FHOD3: variants seen among roughly 807,000 people sequenced by gnomAD.
FHOD3 encodes the protein FH1/FH2 domain-containing protein 3.
A neutral mutation model predicts 173.0 loss-of-function variants in FHOD3; 90 were observed. That is an observed-to-expected ratio of 0.52 (90% CI 0.44 to 0.62). The LOEUF (loss-of-function observed/expected upper bound fraction) is 0.62. Ranked by LOEUF, FHOD3 falls within the 20% of genes least tolerant of loss-of-function variation. FHOD3 has a pLI of 0.00. For missense variants in FHOD3, 1,945 were observed against 2,034.7 expected, an observed-to-expected ratio of 0.96 and a Z score of 0.85; for synonymous variants, 828 against 823.0, an observed-to-expected ratio of 1.01 and a Z score of -0.10.
intron 10 of FHOD3, among the ~76,000 whole-genome samples, chr18:36,628,299 G>GGCTCTTAATA (rs1363322661): frequency 6.6e-6 from 1 of 152,106 alleles, no homozygotes; most frequent in Non-Finnish European, 1.5e-5. Context: ...CTGGGCCCTT[G>GGCTCTTAATA]GCTCTTAATA....
chr18:36,715,721 T>C (rs2040412685), intron 18 of FHOD3, among the ~76,000 whole-genome samples: 1 of 152,180 alleles, frequency 6.6e-6, no homozygotes, highest in African/African-American at 2.4e-5. Flanking sequence ...ACAGATTTGA[T>C]AGTCATAAGA....
At chr18:36,620,904 T>A (rs1488050789) in intron 9 of FHOD3, among the ~76,000 whole-genome samples, 1 of 152,188 alleles carries the variant, frequency 6.6e-6, no homozygotes, top group African/African-American at 2.4e-5. Context: ...AGAACCAATT[T>A]TTTTTTTCAC....
At chr18:36,557,300 G>C (rs1006597379) in intron 5 of FHOD3, among the ~76,000 whole-genome samples, 166 of 151,972 alleles carry the variant, frequency 1.1e-3, no homozygotes, top group African/African-American at 3.8e-3. Context: ...TATGTGCTAC[G>C]TTTACCGATG....
rs191333472 is a variant in FHOD3, at chr18:36,429,323, G to A, written c.337+56579G>A. ...GCCAGTCTTAAATTCATAAACTTCA[G>A]TAGGAAAAGAGAAGTGAAGAACTAA... On this transcript the variant is annotated intron_variant, in intron 3 of 28. Transcript: ENST00000590592. Among the ~76,000 whole-genome samples, 3 of 152,276 alleles carry A rather than the reference G, an allele frequency of 2.0e-5. No homozygotes were observed. The East Asian group carries it at 5.8e-4, about 29-fold the overall frequency.
intron 16 of FHOD3, among the ~76,000 whole-genome samples, chr18:36,692,097 G>A (rs2038998379): frequency 6.6e-6 from 1 of 152,234 alleles, no homozygotes; most frequent in African/African-American, 2.4e-5. Flanking sequence ...AGGGTGGACT[G>A]CCTTTGGGCT....
At chr18:36,350,731 A>C (rs2046084061) in intron 1 of FHOD3, among the ~76,000 whole-genome samples, 1 of 152,182 alleles carries the variant, frequency 6.6e-6, no homozygotes, top group Non-Finnish European at 1.5e-5. Flanking sequence ...TTCGCTCTGT[A>C]GGGAAAGTTT....
intron 5 of FHOD3, among the ~76,000 whole-genome samples, chr18:36,517,835 G>A (rs774346616): frequency 1.3e-5 from 2 of 152,076 alleles, no homozygotes; most frequent in South Asian, 4.1e-4. Flanking sequence ...CAGATTTCAG[G>A]CTTCTTTGGA....
At chr18:36,305,784 G>T (rs2092078535) in intron 1 of FHOD3, among the ~76,000 whole-genome samples, 1 of 152,196 alleles carries the variant, frequency 6.6e-6, no homozygotes, top group African/African-American at 2.4e-5. Flanking sequence ...GGTCCCTCTG[G>T]CTAAACCAGA....
At chr18:36,650,320 C>T (rs2035964291) in intron 11 of FHOD3, among the ~76,000 whole-genome samples, 1 of 152,040 alleles carries the variant, frequency 6.6e-6, no homozygotes, top group East Asian at 1.9e-4. Flanking sequence ...CCTCATCTGC[C>T]AGGCTAGCAG....
intron 2 of FHOD3, among the ~76,000 whole-genome samples, chr18:36,368,898 C>T (rs1237756713): frequency 6.6e-6 from 1 of 152,106 alleles, no homozygotes; most frequent in Admixed American, 6.5e-5. Flanking sequence ...TCCAATCACC[C>T]CCCACCAGGT....
At chr18:36,648,482 C>G (rs576686755) in intron 10 of FHOD3, among the ~76,000 whole-genome samples, 1 of 152,260 alleles carries the variant, frequency 6.6e-6, no homozygotes, top group East Asian at 1.9e-4. Context: ...CCAATTGAAA[C>G]CACCCTAAGC....
At chr18:36,469,197 G>A (rs1224240313) in intron 3 of FHOD3, among the ~76,000 whole-genome samples, 1 of 152,034 alleles carries the variant, frequency 6.6e-6, no homozygotes. Flanking sequence ...CTATCACCAG[G>A]TATAGAGCTA....
intron 2 of FHOD3, among the ~76,000 whole-genome samples, chr18:36,371,835 G>A (rs1053813339): frequency 3.3e-5 from 5 of 151,424 alleles, no homozygotes; most frequent in East Asian, 1.9e-4. Context: ...AGGGAATCCC[G>A]CTTCCAAGAG....
At chr18:36,594,684 G>A (rs945658473) in intron 6 of FHOD3, 103 bp from the exon 7 acceptor site, 29 of 680,624 alleles carry the variant, frequency 4.3e-5, no homozygotes, top group African/African-American at 1.4e-4. Context: ...TGCTGAGAGC[G>A]TCTCATCTAG....
chr18:36,632,887 A>C (rs1482661737), intron 10 of FHOD3, among the ~76,000 whole-genome samples: 1 of 152,188 alleles, frequency 6.6e-6, no homozygotes, highest in Non-Finnish European at 1.5e-5. Flanking sequence ...TTTATTAAAA[A>C]ATTTTAGAGC....
intron 3 of FHOD3, among the ~76,000 whole-genome samples, chr18:36,428,423 C>G (rs2050365958): frequency 6.6e-6 from 1 of 152,162 alleles, no homozygotes; most frequent in African/African-American, 2.4e-5. Context: ...AGAATGAAGG[C>G]TCATGCTCTC....
Position 36,297,876 on chromosome 18 carries a change from C to T in FHOD3, c.41C>T (p.Thr14Met), listed in dbSNP as rs1454375774. Residue 14 changes from threonine (T) to methionine (M), a missense_variant, in exon 1 of 29, where the codon ACG (threonine) becomes ATG (methionine). Thr to Met is a moderately conservative substitution (Grantham distance 81). Transcript: ENST00000590592. Reference protein sequence around the residue: ...LACRVQFLDDTDPFNSTNFPE... With the variant: ...LACRVQFLDDMDPFNSTNFPE... The stretch of plus-strand genomic sequence containing the variant: ...TGCCGGGTGCAGTTCTTGGACGACA[C>T]GGACCCTTTCAACAGCACCAACTTC... 3 of 1,552,926 alleles carry T rather than the reference C, an allele frequency of 1.9e-6. No homozygotes were observed. The highest frequency in any genetic ancestry group is 1.2e-5 in the South Asian group (1 of 83,918).
At chr18:36,419,589 T>C (rs1211695445) in intron 3 of FHOD3, among the ~76,000 whole-genome samples, 3 of 152,082 alleles carry the variant, frequency 2.0e-5, no homozygotes, top group African/African-American at 7.3e-5. Flanking sequence ...AATTTTTAGG[T>C]TTACTGTAAG....
intron 2 of FHOD3, among the ~76,000 whole-genome samples, chr18:36,362,747 C>G (rs1322395751): frequency 6.6e-6 from 1 of 152,170 alleles, no homozygotes; most frequent in Admixed American, 6.5e-5. Flanking sequence ...TGTTGTCCAT[C>G]AGTAAGAGAC....
Sources: gnomAD v4.1 joint callset for allele counts (sites outside exome capture counted in the v4.1 genomes callset) on GRCh38, gnomAD v4.1.1 for gene constraint, MANE v1.5 for transcripts, NCBI Gene and HGNC (gene_info 2026-07-23, HGNC 2026-07-21) for gene names.